Variants in ASPM observed in about 807,000 individuals in gnomAD.
ASPM encodes abnormal spindle-like microcephaly-associated protein.
In ASPM, 256 loss-of-function variants were observed where a neutral mutation model predicts 366.4. The observed-to-expected ratio is 0.70, with a 90% confidence interval of 0.63 to 0.77. ASPM has a LOEUF of 0.77. ASPM is among the 30% of genes least tolerant of loss of function. The probability of loss-of-function intolerance (pLI) is 0.00; values close to 1 mark genes in which losing one functional copy is unlikely to be tolerated. For synonymous variants in ASPM, 1,414 were observed against 1,342.9 expected (o/e 1.05, Z -1.16); for missense variants, 4,146 against 4,090.4 (o/e 1.01, Z -0.37).
At chr1:197,107,158 A>T (rs1322970578) in intron 17 of ASPM, among the ~76,000 whole-genome samples, 2 of 152,012 alleles carry the variant, frequency 1.3e-5, no homozygotes, top group East Asian at 3.9e-4. Flanking sequence ...GAGCTCAGGG[A>T]AGCAATCTGA....
intron 17 of ASPM, among the ~76,000 whole-genome samples, chr1:197,113,170 A>G (rs1336063669): frequency 6.6e-6 from 1 of 152,152 alleles, no homozygotes; most frequent in Non-Finnish European, 1.5e-5. Context: ...CACTGAATAC[A>G]TATGGACACA....
intron 1 of ASPM, among the ~76,000 whole-genome samples, chr1:197,145,855 T>C (rs1371271279): frequency 6.7e-6 from 1 of 150,032 alleles, no homozygotes; most frequent in African/African-American, 2.5e-5. Context: ...AATATATATA[T>C]ATATATATAT....
chr1:197,103,323 G>A lies in ASPM; in HGVS notation c.5928C>T (p.Ile1976=). ...QLQRQHKCAI[I]IQSYYRMHVQ... ...CATGCATTCTATAGTATGACTGTAT[G>A]ATGATAGCACATTTATGTTGCCTTT... Residue 1976 remains isoleucine (I), a synonymous_variant, in exon 18 of 28, where the codon ATC becomes ATT. Coordinates refer to ENST00000367409, the MANE Select transcript of ASPM (RefSeq NM_018136.5). 1.2e-6 allele frequency: 2 copies of A among 1,613,030 alleles called. No individual in the cohort carries two copies. Among genetic ancestry groups the A allele is most frequent in the Non-Finnish European group, 1.7e-6 (2 of 1,179,390 alleles).
In ASPM at chr1:197,104,894, A is replaced by C; in HGVS notation, c.4357T>G (p.Phe1453Val). ...TGTTTTCTTAAATGCCATTCTCTAA[A>C]AGCTCTTTGCAATATTACTGTAGCT... ...VKATVILQRA[F>V]REWHLRKQAK... The change falls in exon 18 of 28, where the codon TTT becomes GTT. Residue 1453 changes from phenylalanine to valine, a missense_variant. Phe to Val is a conservative substitution (Grantham distance 50, BLOSUM62 -1). Coordinates refer to ENST00000367409, the MANE Select transcript of ASPM (RefSeq NM_018136.5). The C allele has an allele frequency of 6.2e-7, 1 of 1,609,776 alleles. No individual in the cohort carries two copies. Among genetic ancestry groups the C allele is most frequent in the Non-Finnish European group, 8.5e-7 (1 of 1,178,622 alleles).
At position 197,128,671 on chromosome 1, in the gene ASPM, A is replaced by C. The variant is rs1281250526; in HGVS notation, c.2761-6T>G. 6.2e-7 allele frequency: 1 copy of C among 1,601,616 alleles called. No homozygotes were observed. The highest frequency in any genetic ancestry group is 1.1e-5 in the South Asian group (1 of 90,314). ...AAAAGGATTTCTTTACTAGCCTATAAAGAAATAAGTTCCAGATATTATATT... is the reference window on the plus strand; with the variant it reads ...AAAAGGATTTCTTTACTAGCCTATACAGAAATAAGTTCCAGATATTATATT... On this transcript the variant is annotated splice_region_variant and splice_polypyrimidine_tract_variant and intron_variant, in intron 9 of 27. Coordinates refer to ENST00000367409, the MANE Select transcript of ASPM (RefSeq NM_018136.5).
At chr1:197,136,301 G>C (rs1299599794) in intron 4 of ASPM, among the ~76,000 whole-genome samples, 1 of 151,976 alleles carries the variant, frequency 6.6e-6, no homozygotes, top group East Asian at 1.9e-4. Flanking sequence ...AAATAACCAA[G>C]CTATATGAAT....
At chr1:197,133,152 T>C (rs1263478494) in intron 6 of ASPM, among the ~76,000 whole-genome samples, 198 bp downstream of exon 6, 1 of 152,218 alleles carries the variant, frequency 6.6e-6, no homozygotes, top group Non-Finnish European at 1.5e-5. Flanking sequence ...AGAAGGTAAC[T>C]ATGTGAGTAG....
intron 10 of ASPM, among the ~76,000 whole-genome samples, chr1:197,127,982 G>A (rs1265668961): frequency 2.0e-5 from 3 of 151,884 alleles, no homozygotes; most frequent in Admixed American, 6.6e-5. Flanking sequence ...TGGCTAACAC[G>A]GTGAAACCCC....
intron 4 of ASPM, among the ~76,000 whole-genome samples, chr1:197,135,623 C>CTTTTGT (rs1658395682): frequency 1.4e-5 from 1 of 69,820 alleles, no homozygotes; most frequent in African/African-American, 5.7e-5. Flanking sequence ...AAATATCTGT[C>CTTTTGT]TTTTTTTTTT....
chr1:197,095,634 C>T (rs1656945849), intron 19 of ASPM, among the ~76,000 whole-genome samples: 2 of 151,524 alleles, frequency 1.3e-5, no homozygotes, highest in African/African-American at 2.4e-5. Context: ...ACAAATTTTG[C>T]CAGTAGTTAA....
Position 197,122,394 on chromosome 1 carries a change from C to T in ASPM, c.3592G>A (p.Asp1198Asn). 3.1e-6 allele frequency: 5 copies of T among 1,613,622 alleles called. No homozygotes were observed. Among genetic ancestry groups the T allele is most frequent in the Non-Finnish European group, 4.2e-6 (5 of 1,179,702 alleles). ...SSLDMSLKAF[D>N]HENTSELYKE... The stretch of plus-strand genomic sequence containing the variant: ...GTAACCAAAAGGGACTAACCATGAT[C>T]AAATGCTTTAAGAGACATATCCAGA... Residue 1198 changes from aspartate to asparagine, a missense_variant, in exon 14 of 28, where the codon GAT becomes AAT. Around this residue, in one of 3 missense-constraint regions of ASPM, gnomAD observed 3,624 missense variants for 3,591.7 expected, o/e 1.01. Transcript: ENST00000367409.
At chr1:197,128,459 T>G (rs776726813) in intron 10 of ASPM, 31 bp downstream of exon 10, 1 of 1,585,908 alleles carries the variant, frequency 6.3e-7, no homozygotes. Flanking sequence ...TCTATTCCAT[T>G]AAGCAAAATA....
rs201338051 is a variant in ASPM, at chr1:197,114,745, TTTA to T, written c.4065+3041_4065+3043del. On this transcript the variant is annotated intron_variant, in intron 17 of 27. Transcript: ENST00000367409. The stretch of plus-strand genomic sequence containing the variant: ...TGTGCCACCACACTTGGCTAGTTAT[TTTA>T]TTTATTTTTTTTATTTTTGAGACGG... 4.1e-3 allele frequency among the ~76,000 whole-genome samples: 618 copies of T among 151,524 alleles called. 7 individuals are homozygous for T. The highest frequency in any genetic ancestry group is 0.013 in the African/African-American group (534 of 41,354).
rs745748974 is a variant in ASPM at position 197,139,774 on chromosome 1, T to C, written c.2019A>G (p.Leu673=). 1.9e-6 allele frequency: 3 copies of C among 1,597,648 alleles called. No homozygotes were observed. In the African/African-American group the frequency reaches 4.0e-5, roughly 21 times the overall value. Residue 673 remains leucine (L), a synonymous_variant, in exon 4 of 28, where the codon TTA becomes TTG. Transcript: ENST00000367409. ...AGTATAATAAATACTTGCCTGTTTT[T>C]AATGGTTTTATGAAGGTCAAACTGG... ...AQSSLTFIKP[L]KTDIPRHPMP...
In ASPM at chr1:197,129,229, A is replaced by AGACTC; in HGVS notation, c.2717_2718insGAGTC (p.Ile906MetfsTer31). 1.2e-6 allele frequency: 2 copies of AGACTC among 1,612,680 alleles called. No homozygotes were observed. The highest frequency in any genetic ancestry group is 1.7e-6 in the Non-Finnish European group (2 of 1,178,824). On this transcript the variant is annotated frameshift_variant, in exon 9 of 28. Coordinates refer to ENST00000367409, the MANE Select transcript of ASPM (RefSeq NM_018136.5). LOFTEE classifies it high-confidence loss of function. Reference sequence around the variant, plus strand: ...TACAGAAGAGACAAGGATCATGATCAATGAGTCTGGAAATTTTAGCATAAT... The same window carrying AGACTC: ...TACAGAAGAGACAAGGATCATGATCAGACTCATGAGTCTGGAAATTTTAGCATAAT...
Position 197,100,571 on chromosome 1 carries a change from T to C in ASPM, c.8680A>G (p.Arg2894Gly). Reference sequence around the variant, plus strand: ...TGATGTTTTGCAGACAGAAATGCTCTGTAGTGATTTTGTAAAACCACTGCT... The same window carrying C: ...TGATGTTTTGCAGACAGAAATGCTCCGTAGTGATTTTGTAAAACCACTGCT... ...KAAVVLQNHY[R>G]AFLSAKHQRQ... Residue 2894 changes from arginine to glycine, a missense_variant, in exon 18 of 28, where the codon AGA becomes GGA. Transcript: ENST00000367409. 2 of 1,611,982 alleles carry C rather than the reference T, an allele frequency of 1.2e-6. No individual in the cohort carries two copies. The highest frequency in any genetic ancestry group is 1.7e-6 in the Non-Finnish European group (2 of 1,178,820).
intron 16 of ASPM, 93 bp downstream of exon 16, chr1:197,121,822 C>CATCCATAAAATGTAAAATCATATCA (rs1657910647): frequency 9.8e-6 from 14 of 1,425,570 alleles, no homozygotes; most frequent in Admixed American, 3.5e-5. Flanking sequence ...TAATGCCATA[C>CATCCATAAAATGTAAAATCATATCA]ATCCATAAAA....
chr1:197,121,459 C>A (rs1657904019), intron 16 of ASPM, among the ~76,000 whole-genome samples: 1 of 152,112 alleles, frequency 6.6e-6, no homozygotes, highest in South Asian at 2.1e-4. Context: ...GGCAAACAAA[C>A]TAAGCTTACT....
intron 4 of ASPM, among the ~76,000 whole-genome samples, chr1:197,135,999 A>G (rs1051711570): frequency 6.6e-6 from 1 of 152,206 alleles, no homozygotes; most frequent in Non-Finnish European, 1.5e-5. Context: ...AAGCTCAGAG[A>G]GAAGAGCAAC....
Sources: gnomAD v4.1 joint callset for allele counts (sites outside exome capture counted in the v4.1 genomes callset) on GRCh38, gnomAD v4.1.1 for gene constraint, gnomAD v4.1.1 regional missense constraint, MANE v1.5 for transcripts, NCBI Gene and HGNC (gene_info 2026-07-23, HGNC 2026-07-21) for gene names.